The following MGAT4C variants were observed in gnomAD, a reference collection of about 807,000 sequenced individuals.
MGAT4C encodes the protein alpha-1,3-mannosyl-glycoprotein 4-beta-N-acetylglucosaminyltransferase C.
MGAT4C carries 19 observed loss-of-function variants against 40.1 expected under a neutral mutation model. That is an observed-to-expected ratio of 0.47 (90% CI 0.33 to 0.70). The LOEUF is 0.70. Among genes scored for constraint, MGAT4C ranks in the 30% least tolerant of loss-of-function variants. The pLI is 0.02. For missense variants in MGAT4C, 491 were observed against 563.2 expected (o/e 0.87, Z 1.30); for synonymous variants, 181 against 187.1 (o/e 0.97, Z 0.27).
At chr12:86,656,434 G>T (rs1337050536) in intron 2 of MGAT4C, among the ~76,000 whole-genome samples, 2 of 151,970 alleles carry the variant, frequency 1.3e-5, no homozygotes, top group Non-Finnish European at 2.9e-5. Flanking sequence ...CTGGAGACAT[G>T]GTAGGCTAAC....
Position 86,546,705 on chromosome 12 carries a change from G to C in MGAT4C, c.-228-111440C>G, listed in dbSNP as rs1000617748. On this transcript the variant is annotated intron_variant, in intron 2 of 7. Coordinates refer to the MGAT4C transcript ENST00000548651. The stretch of plus-strand genomic sequence containing the variant: ...TAAAAATTGTATTTTTTTCTAAGCT[G>C]TAAGTACATGGACACAAATAGAAAT... Among the ~76,000 whole-genome samples, 2 of 151,980 alleles carry C rather than the reference G, an allele frequency of 1.3e-5. 1 individual carries two copies. Among genetic ancestry groups the C allele is most frequent in the South Asian group, 4.1e-4 (2 of 4,826 alleles).
chr12:86,275,285 A>G (rs1440574368), intron 4 of MGAT4C, among the ~76,000 whole-genome samples: 1 of 152,198 alleles, frequency 6.6e-6, no homozygotes, highest in Non-Finnish European at 1.5e-5. Context: ...AGTCATTCAG[A>G]TAAAGGTTCC....
At chr12:86,831,224 C>T (rs1313417325) in intron 1 of MGAT4C, among the ~76,000 whole-genome samples, 1 of 151,768 alleles carries the variant, frequency 6.6e-6, no homozygotes, top group Non-Finnish European at 1.5e-5. Context: ...CTTGAACCCA[C>T]AATGATAATC....
At chr12:86,200,879 C>T (rs1419306770) in intron 1 of MGAT4C, among the ~76,000 whole-genome samples, 1 of 152,064 alleles carries the variant, frequency 6.6e-6, no homozygotes, top group Non-Finnish European at 1.5e-5. Flanking sequence ...AGAAGACACA[C>T]CAGAGATTTC....
chr12:86,053,074 C>G, intron 1 of MGAT4C, among the ~76,000 whole-genome samples: 1 of 151,914 alleles, frequency 6.6e-6, no homozygotes, highest in Middle Eastern at 3.4e-3. Flanking sequence ...TGGGGAAGTA[C>G]GAGTGTCAAT....
intron 4 of MGAT4C, among the ~76,000 whole-genome samples, chr12:86,333,314 T>G (rs1954713655): frequency 6.6e-6 from 1 of 152,198 alleles, no homozygotes. Context: ...CAGCAAATGG[T>G]ATAAAGTGAA....
chr12:86,165,721 TG>T lies in MGAT4C; in HGVS notation c.-57+90517del, dbSNP rs550521100. On this transcript the variant is annotated intron_variant, in intron 1 of 4. Coordinates refer to ENST00000611864, the MANE Select transcript of MGAT4C (RefSeq NM_001351288.2). ...AACGATGATATAAATGAGAGATATTTGATATTTTTATACAATATTCTATTTC... is the reference window on the plus strand; with the variant it reads ...AACGATGATATAAATGAGAGATATTTATATTTTTATACAATATTCTATTTC... 1.3e-4 allele frequency among the ~76,000 whole-genome samples: 20 copies of T among 152,296 alleles called. No individual in the cohort carries two copies. The South Asian group carries it at 4.1e-3, about 32-fold the overall frequency.
chr12:86,791,553 T>C (rs765856561), intron 1 of MGAT4C, among the ~76,000 whole-genome samples: 3 of 152,096 alleles, frequency 2.0e-5, no homozygotes, highest in Non-Finnish European at 4.4e-5. Flanking sequence ...TTCCTTTGCA[T>C]ATTTAGGTGA....
intron 3 of MGAT4C, among the ~76,000 whole-genome samples, chr12:86,347,246 A>G (rs901031369): frequency 1.3e-5 from 2 of 152,188 alleles, no homozygotes; most frequent in South Asian, 4.1e-4. Flanking sequence ...TACACATGGC[A>G]TATTTTAAAA....
intron 2 of MGAT4C, among the ~76,000 whole-genome samples, chr12:86,517,983 G>A (rs1025948894): frequency 4.6e-5 from 7 of 152,242 alleles, no homozygotes; most frequent in African/African-American, 7.2e-5. Flanking sequence ...AGACAGTGGG[G>A]TAAAGGATAG....
chr12:86,709,354 G>C (rs1464855295), intron 2 of MGAT4C, among the ~76,000 whole-genome samples: 1 of 152,032 alleles, frequency 6.6e-6, no homozygotes, highest in East Asian at 1.9e-4. Context: ...CCCAGTCTCA[G>C]GTATGTCTTT....
chr12:86,057,542 T>C (rs1372939986), intron 1 of MGAT4C, among the ~76,000 whole-genome samples: 3 of 152,178 alleles, frequency 2.0e-5, no homozygotes, highest in African/African-American at 4.8e-5. Flanking sequence ...TGAACATATA[T>C]TCCATTTTCC....
rs547954842 is a variant in MGAT4C at position 86,136,179 on chromosome 12, C to T, written c.-56-86456G>A. On this transcript the variant is annotated intron_variant, in intron 1 of 4. Coordinates refer to ENST00000611864, the MANE Select transcript of MGAT4C (RefSeq NM_001351288.2). ...TTAGTCTGTTAGATAGATCAGTCATCCATTAATTCAATTAAGAATTATTGA... is the reference window on the plus strand; with the variant it reads ...TTAGTCTGTTAGATAGATCAGTCATTCATTAATTCAATTAAGAATTATTGA... Among the ~76,000 whole-genome samples the T allele has an allele frequency of 1.3e-4, 20 of 152,154 alleles. No individual in the cohort carries two copies. The South Asian group carries it at 4.2e-3, about 32-fold the overall frequency.
At chr12:86,336,127 T>C (rs1005193976) in intron 3 of MGAT4C, among the ~76,000 whole-genome samples, 2 of 152,222 alleles carry the variant, frequency 1.3e-5, no homozygotes, top group African/African-American at 2.4e-5. Flanking sequence ...ATAGTTGCTA[T>C]CCTGTATTTT....
chr12:86,163,085 C>T (rs889504325), intron 1 of MGAT4C, among the ~76,000 whole-genome samples: 10 of 152,162 alleles, frequency 6.6e-5, no homozygotes, highest in Non-Finnish European at 1.3e-4. Flanking sequence ...CTCTGCAGAG[C>T]CTTCTGTGAG....
intron 4 of MGAT4C, among the ~76,000 whole-genome samples, chr12:86,312,953 T>G (rs1954117129): frequency 6.6e-6 from 1 of 152,082 alleles, no homozygotes; most frequent in African/African-American, 2.4e-5. Flanking sequence ...ATCAAAAGGC[T>G]TTTTTTCTTA....
At chr12:86,303,329 C>A (rs932775777) in intron 4 of MGAT4C, among the ~76,000 whole-genome samples, 2 of 150,486 alleles carry the variant, frequency 1.3e-5, no homozygotes, top group African/African-American at 5.0e-5. Flanking sequence ...AAATACAAAA[C>A]ATAGAATCTA....
At chr12:86,789,407 G>C (rs957482256) in intron 1 of MGAT4C, among the ~76,000 whole-genome samples, 5 of 152,054 alleles carry the variant, frequency 3.3e-5, no homozygotes, top group East Asian at 1.9e-4. Flanking sequence ...TCCTGGAAGA[G>C]GGTTGTCTTA....
intron 1 of MGAT4C, among the ~76,000 whole-genome samples, chr12:86,072,878 T>G (rs1868846116): frequency 6.6e-6 from 1 of 152,190 alleles, no homozygotes; most frequent in Admixed American, 6.5e-5. Context: ...AAGAAAAATT[T>G]TTGAGATTCA....
Sources: gnomAD v4.1 joint callset for allele counts (sites outside exome capture counted in the v4.1 genomes callset) on GRCh38, gnomAD v4.1.1 for gene constraint, MANE v1.5 for transcripts, NCBI Gene and HGNC (gene_info 2026-07-23, HGNC 2026-07-21) for gene names.